SGK1: variants seen among roughly 807,000 people sequenced by gnomAD.
SGK1 encodes serum/glucocorticoid regulated kinase 1.
Under a neutral mutation model 64.2 loss-of-function variants are expected in SGK1, and 26 were observed. The observed-to-expected ratio is 0.40, with a 90% CI of 0.30 to 0.56. SGK1 has a LOEUF of 0.56. Among genes scored for constraint, SGK1 ranks in the 20% least tolerant of loss-of-function variants. The probability of loss-of-function intolerance (pLI) is 0.38; values close to 1 mark genes in which losing one functional copy is unlikely to be tolerated. For synonymous variants in SGK1, 265 were observed against 239.7 expected, an observed-to-expected ratio of 1.11 and a Z score of -0.98; for missense variants, 519 against 645.6, an observed-to-expected ratio of 0.80 and a Z score of 2.12.
chr6:134,171,000 G>A, intron 12 of SGK1, 23 bp downstream of exon 12: 1 of 1,613,658 alleles, frequency 6.2e-7, no homozygotes, highest in Non-Finnish European at 8.5e-7. Flanking sequence ...GCCGGCCCAG[G>A]AGGACAGGAA....
intron 2 of SGK1, among the ~76,000 whole-genome samples, chr6:134,245,876 A>G (rs2114729927): frequency 6.6e-6 from 1 of 152,354 alleles, no homozygotes; most frequent in Non-Finnish European, 1.5e-5. Flanking sequence ...AACTAAGCAA[A>G]GAAATAAGTA....
chr6:134,240,497 C>G (rs1195657660), intron 2 of SGK1, among the ~76,000 whole-genome samples: 3 of 152,074 alleles, frequency 2.0e-5, no homozygotes. Context: ...AATCCTGGCT[C>G]TGCCGCTGAA....
chr6:134,215,113 G>C (rs767367544), intron 2 of SGK1: 2 of 425,710 alleles, frequency 4.7e-6, no homozygotes, highest in South Asian at 3.3e-5. Context: ...AAACATGAGA[G>C]TAAGTTTTCT....
At chr6:134,231,063 C>G (rs116288914) in intron 2 of SGK1, among the ~76,000 whole-genome samples, 4,162 of 152,190 alleles carry the variant, frequency 0.027, 180 homozygotes, top group African/African-American at 0.094. Context: ...GTGGTACACG[C>G]CTGTGGTCCC....
At chr6:134,313,080 GATGATTTAA>G (rs1489626133) in intron 1 of SGK1, among the ~76,000 whole-genome samples, 1 of 152,150 alleles carries the variant, frequency 6.6e-6, no homozygotes, top group Non-Finnish European at 1.5e-5. Context: ...GCCTGTGTAT[GATGATTTAA>G]ATGTGTAATG....
intron 2 of SGK1, among the ~76,000 whole-genome samples, chr6:134,218,408 G>A (rs1425703452): frequency 6.6e-6 from 1 of 151,076 alleles, no homozygotes; most frequent in African/African-American, 2.4e-5. Flanking sequence ...TTGCCCTCAT[G>A]GAACTTGTTT....
rs114656772 is a variant in SGK1 at position 134,243,284 on chromosome 6, A to G, written c.285+18649T>C. 3.8e-4 allele frequency among the ~76,000 whole-genome samples: 58 copies of G among 152,276 alleles called. 1 individual carries two copies. The highest frequency in any genetic ancestry group is 1.4e-3 in the African/African-American group (58 of 41,582). On this transcript the variant is annotated intron_variant, in intron 2 of 13. Coordinates refer to ENST00000367858, the MANE Select transcript of SGK1 (RefSeq NM_001143676.3). ...TATATTAAACATAAATGGTGAAAGT[A>G]TAATGGGGACAATTCATTATGTCCT...
At chr6:134,173,827 AAAAAT>A (rs1466988356) in intron 5 of SGK1, 173 bp downstream of exon 5, 14 of 599,608 alleles carry the variant, frequency 2.3e-5, no homozygotes, top group Admixed American at 1.0e-4. Flanking sequence ...TGCCCAGGAA[AAAAAT>A]AAAATAATAC....
chr6:134,187,647 C>A (rs1775445065), intron 3 of SGK1, among the ~76,000 whole-genome samples: 1 of 152,216 alleles, frequency 6.6e-6, no homozygotes, highest in African/African-American at 2.4e-5. Flanking sequence ...CAGTGAATTC[C>A]AGGAGCATGG....
At chr6:134,292,761 T>G (rs1005486225) in intron 1 of SGK1, among the ~76,000 whole-genome samples, 1 of 152,214 alleles carries the variant, frequency 6.6e-6, no homozygotes, top group African/African-American at 2.4e-5. Flanking sequence ...GCAGTAGACA[T>G]GACTGACCTT....
At chr6:134,284,073 T>C (rs1279587804) in intron 1 of SGK1, among the ~76,000 whole-genome samples, 1 of 151,938 alleles carries the variant, frequency 6.6e-6, no homozygotes, top group Non-Finnish European at 1.5e-5. Flanking sequence ...CATTCCTTTA[T>C]ATGTTCAAAT....
intron 2 of SGK1, among the ~76,000 whole-genome samples, chr6:134,254,074 G>A (rs879586580): frequency 1.5e-4 from 20 of 136,688 alleles, no homozygotes; most frequent in Admixed American, 5.5e-4. Context: ...GGGCTACAGA[G>A]TTTTCTGTCC....
chr6:134,178,365 A>G (rs953395503), intron 3 of SGK1, among the ~76,000 whole-genome samples: 12 of 152,166 alleles, frequency 7.9e-5, no homozygotes, highest in African/African-American at 2.7e-4. Context: ...CTGTCCCAGC[A>G]ACCTACTAAG....
intron 3 of SGK1, among the ~76,000 whole-genome samples, chr6:134,206,353 AT>A (rs1775771639): frequency 1.2e-4 from 1 of 8,058 alleles, no homozygotes; most frequent in Non-Finnish European, 3.3e-4. Flanking sequence ...ATATATATAT[AT>A]ATATATATAT....
At chr6:134,299,892 C>G (rs1274206477) in intron 1 of SGK1, among the ~76,000 whole-genome samples, 3 of 149,538 alleles carry the variant, frequency 2.0e-5, no homozygotes, top group African/African-American at 7.4e-5. Flanking sequence ...TCAAGAAGGT[C>G]CAAATACCTC....
intron 1 of SGK1, among the ~76,000 whole-genome samples, chr6:134,301,003 AAG>A (rs1407391997): frequency 1.3e-5 from 2 of 152,330 alleles, no homozygotes; most frequent in East Asian, 1.9e-4. Context: ...GGAGAAAAGA[AAG>A]AGAAATAATT....
intron 2 of SGK1, among the ~76,000 whole-genome samples, chr6:134,241,930 A>AT (rs1776454470): frequency 6.6e-6 from 1 of 151,922 alleles, no homozygotes; most frequent in Non-Finnish European, 1.5e-5. Context: ...TTGTTTTATT[A>AT]TATGAAGTTA....
At chr6:134,254,159 A>G (rs941864244) in intron 2 of SGK1, among the ~76,000 whole-genome samples, 2 of 150,696 alleles carry the variant, frequency 1.3e-5, no homozygotes, top group African/African-American at 4.9e-5. Flanking sequence ...ACAAAGTATC[A>G]ATTTTAGCTA....
chr6:134,258,911 C>T (rs11154760), intron 2 of SGK1, among the ~76,000 whole-genome samples: 16,097 of 152,024 alleles, frequency 0.11, 1,269 homozygotes, highest in East Asian at 0.4. Flanking sequence ...CTGCTTGAGC[C>T]CTGGAGGTCG....
Sources: gnomAD v4.1 joint callset for allele counts (sites outside exome capture counted in the v4.1 genomes callset) on GRCh38, gnomAD v4.1.1 for gene constraint, MANE v1.5 for transcripts, NCBI Gene and HGNC (gene_info 2026-07-23, HGNC 2026-07-21) for gene names.